The following FER variants were observed in gnomAD, a reference collection of about 807,000 sequenced individuals.
FER encodes the protein tyrosine-protein kinase Fer.
Under a neutral mutation model 111.0 loss-of-function variants are expected in FER, and 63 were observed. The observed-to-expected ratio is 0.57, with a 90% confidence interval of 0.46 to 0.70. The LOEUF is 0.70. FER is among the 30% of genes least tolerant of loss of function. The pLI is 0.00. For missense variants in FER, 914 were observed against 954.0 expected (o/e 0.96, Z 0.55); for synonymous variants, 327 against 313.9 (o/e 1.04, Z -0.44).
chr5:108,897,851 A>T lies in FER; in HGVS notation c.1236+3A>T. The T allele has an allele frequency of 6.2e-7, 1 of 1,601,504 alleles. No homozygotes were observed. Among genetic ancestry groups the T allele is most frequent in the Non-Finnish European group, 8.5e-7 (1 of 1,175,234 alleles). On this transcript the variant is annotated splice_donor_region_variant and intron_variant, in intron 10 of 19. Transcript: ENST00000281092. Reference sequence around the variant, plus strand: ...ATGCACGATCAGTTACATCTATGGTAAGCTAAAGAATAATCCAATGAGAAA... The same window carrying T: ...ATGCACGATCAGTTACATCTATGGTTAGCTAAAGAATAATCCAATGAGAAA...
At position 109,170,840 on chromosome 5, in the gene FER, G is replaced by T. The variant is rs147327794; in HGVS notation, c.2049-9907G>T. Among the ~76,000 whole-genome samples, 1,095 of 152,196 alleles carry T rather than the reference G, an allele frequency of 7.2e-3. 3 individuals are homozygous for T. Among genetic ancestry groups the T allele is most frequent in the Non-Finnish European group, 0.01 (681 of 68,004 alleles). On this transcript the variant is annotated intron_variant, in intron 17 of 19. Transcript: ENST00000281092. The stretch of plus-strand genomic sequence containing the variant: ...GTATTGTCAACATGGAAAGCTCTTT[G>T]CCAGGACCATCTACCACCTCTGTGA...
At chr5:109,109,488 G>A (rs543975138) in intron 17 of FER, among the ~76,000 whole-genome samples, 1 of 152,116 alleles carries the variant, frequency 6.6e-6, no homozygotes, top group East Asian at 1.9e-4. Context: ...TCAAAAATTT[G>A]TTGAATGAGT....
At chr5:109,086,400 T>C (rs1581965975) in intron 16 of FER, among the ~76,000 whole-genome samples, 1 of 151,902 alleles carries the variant, frequency 6.6e-6, no homozygotes, top group Admixed American at 6.6e-5. Flanking sequence ...TTGTAAATTG[T>C]GTTTTCTCCC....
intron 13 of FER, among the ~76,000 whole-genome samples, chr5:108,983,649 A>T (rs931390550): frequency 6.6e-6 from 1 of 152,098 alleles, no homozygotes; most frequent in Non-Finnish European, 1.5e-5. Flanking sequence ...CAGAGGGAAC[A>T]CTGGAGTTAC....
intron 8 of FER, among the ~76,000 whole-genome samples, chr5:108,879,614 A>G (rs940440682): frequency 6.4e-5 from 9 of 141,712 alleles, no homozygotes; most frequent in African/African-American, 2.4e-4. Context: ...TAATTCACAC[A>G]TTACAGGTTT....
intron 5 of FER, among the ~76,000 whole-genome samples, chr5:108,866,935 C>G (rs1344509176): frequency 1.3e-5 from 2 of 152,110 alleles, no homozygotes; most frequent in Non-Finnish European, 2.9e-5. Context: ...GTTTTTAACT[C>G]ATAACATTAT....
intron 10 of FER, among the ~76,000 whole-genome samples, chr5:108,945,241 T>A (rs542823420): frequency 6.6e-6 from 1 of 152,284 alleles, no homozygotes; most frequent in South Asian, 2.1e-4. Context: ...TTTTGTCTGC[T>A]GCTGATTAGC....
chr5:108,763,325 C>T (rs903540358), intron 1 of FER, among the ~76,000 whole-genome samples: 1 of 152,170 alleles, frequency 6.6e-6, no homozygotes, highest in Non-Finnish European at 1.5e-5. Flanking sequence ...GCAGTAAAAG[C>T]AGTGGCCAGA....
intron 17 of FER, among the ~76,000 whole-genome samples, chr5:109,151,822 A>C (rs1042543473): frequency 6.6e-6 from 1 of 152,086 alleles, no homozygotes; most frequent in Non-Finnish European, 1.5e-5. Context: ...TATGTGACAA[A>C]ATTTGAAAAA....
At chr5:109,164,182 A>G (rs1481712129) in intron 17 of FER, among the ~76,000 whole-genome samples, 1 of 152,192 alleles carries the variant, frequency 6.6e-6, no homozygotes, top group Non-Finnish European at 1.5e-5. Context: ...CTTGCTTCAA[A>G]TAAGCTGAGC....
At chr5:108,777,483 A>G (rs566354910) in intron 2 of FER, among the ~76,000 whole-genome samples, 1 of 152,302 alleles carries the variant, frequency 6.6e-6, no homozygotes, top group South Asian at 2.1e-4. Flanking sequence ...GGCATTGTAC[A>G]TATTATGGGT....
chr5:108,992,866 G>A (rs188310612), intron 13 of FER, among the ~76,000 whole-genome samples: 2,363 of 150,708 alleles, frequency 0.016, 17 homozygotes, highest in East Asian at 0.033. Flanking sequence ...AGACGGGGTC[G>A]CGGCCAGGCA....
intron 16 of FER, among the ~76,000 whole-genome samples, chr5:109,067,555 TATCTTGGAG>T (rs895264859): frequency 6.6e-6 from 1 of 152,152 alleles, no homozygotes; most frequent in Admixed American, 6.5e-5. Context: ...TTTGATAAAA[TATCTTGGAG>T]TTATTTACAT....
At chr5:108,766,583 G>A (rs1752349973) in intron 1 of FER, among the ~76,000 whole-genome samples, 2 of 152,198 alleles carry the variant, frequency 1.3e-5, no homozygotes, top group South Asian at 4.1e-4. Flanking sequence ...TCCTAAGGGC[G>A]AAGGCACCCT....
At chr5:108,897,605 T>G (rs1037587318) in intron 9 of FER, 54 bp from the exon 10 acceptor site, 8 of 1,282,950 alleles carry the variant, frequency 6.2e-6, no homozygotes, top group Non-Finnish European at 8.3e-6. Flanking sequence ...TATATGAGGT[T>G]TCCTTAATGT....
chr5:108,773,572 CT>C (rs369805377), intron 2 of FER, among the ~76,000 whole-genome samples: 46 of 152,070 alleles, frequency 3.0e-4, no homozygotes, highest in African/African-American at 6.8e-4. Context: ...TATATGTACA[CT>C]TTTTTTTAAT....
intron 16 of FER, among the ~76,000 whole-genome samples, chr5:109,071,110 C>T (rs1415825737): frequency 6.6e-6 from 1 of 151,976 alleles, no homozygotes; most frequent in Non-Finnish European, 1.5e-5. Flanking sequence ...AAACATTACA[C>T]TATAATTAAA....
intron 3 of FER, chr5:108,820,218 T>TA (rs1356175419): frequency 1.4e-5 from 14 of 985,288 alleles, no homozygotes; most frequent in Non-Finnish European, 1.6e-5. Context: ...GGACGTGAGC[T>TA]ATAAAAGTCA....
At chr5:108,940,620 A>G (rs1490934963) in intron 10 of FER, among the ~76,000 whole-genome samples, 1 of 149,052 alleles carries the variant, frequency 6.7e-6, no homozygotes, top group African/African-American at 2.5e-5. Flanking sequence ...AGAGATTTGT[A>G]GCATCAGGTG....
Sources: gnomAD v4.1 joint callset for allele counts (sites outside exome capture counted in the v4.1 genomes callset) on GRCh38, gnomAD v4.1.1 for gene constraint, MANE v1.5 for transcripts, NCBI Gene and HGNC (gene_info 2026-07-23, HGNC 2026-07-21) for gene names.